Variants in NFIB observed in about 807,000 individuals in gnomAD.
NFIB encodes the protein nuclear factor I B, also known as nuclear factor 1 B-type.
In NFIB, 11 loss-of-function variants were observed where a neutral mutation model predicts 61.5. That is an observed-to-expected ratio of 0.18 (90% CI 0.11 to 0.30). The LOEUF (loss-of-function observed/expected upper bound fraction) is 0.30, where lower values mean the gene tolerates loss of function less well. NFIB is among the 10% of genes least tolerant of loss of function. The probability of loss-of-function intolerance (pLI) is 1.00; values close to 1 mark genes in which losing one functional copy is unlikely to be tolerated. For missense variants in NFIB, 471 were observed against 608.9 expected (o/e 0.77, Z 2.38); for synonymous variants, 260 against 216.5 (o/e 1.20, Z -1.76).
intron 2 of NFIB, among the ~76,000 whole-genome samples, chr9:14,264,501 G>A (rs1053720453): frequency 6.6e-5 from 10 of 152,152 alleles, no homozygotes; most frequent in Non-Finnish European, 1.5e-4. Flanking sequence ...GCATTTAGGT[G>A]AGAAAAAGAC....
chr9:14,414,497 T>A, the NFIB span, among the ~76,000 whole-genome samples: 2 of 148,930 alleles, frequency 1.3e-5, no homozygotes, highest in Non-Finnish European at 3.0e-5. Flanking sequence ...CCAAAAGCCT[T>A]TCTCACGTTT....
intron 2 of NFIB, among the ~76,000 whole-genome samples, chr9:14,189,321 T>C (rs1229827128): frequency 2.6e-5 from 4 of 152,120 alleles, no homozygotes; most frequent in Admixed American, 2.6e-4. Context: ...GCCTGGAGAG[T>C]CAGGACTCTG....
At chr9:14,458,211 C>T in the NFIB span, among the ~76,000 whole-genome samples, 30 of 152,314 alleles carry the variant, frequency 2.0e-4, no homozygotes, top group East Asian at 3.1e-3. Flanking sequence ...GCTGGTTCAA[C>T]ATATGCAAAT....
At position 14,265,245 on chromosome 9, in the gene NFIB, C is replaced by T. The variant is rs184516651; in HGVS notation, c.562+41744G>A. Among the ~76,000 whole-genome samples, 120 of 152,280 alleles carry T rather than the reference C, an allele frequency of 7.9e-4. 1 individual carries two copies. Among genetic ancestry groups the T allele is most frequent in the African/African-American group, 2.7e-3 (114 of 41,550 alleles). On this transcript the variant is annotated intron_variant, in intron 2 of 10. Transcript: ENST00000380953. ...AATGATGAACAGTATTCAGCTACAA[C>T]GGAGGTGTTACAGACTGAATGTTTA...
chr9:14,110,986 T>G (rs910132302), intron 10 of NFIB, among the ~76,000 whole-genome samples: 21 of 152,110 alleles, frequency 1.4e-4, no homozygotes, highest in Non-Finnish European at 2.4e-4. Context: ...AACTTTTTTT[T>G]GCTTCCAAAG....
chr9:14,239,779 G>A (rs2054165285), intron 2 of NFIB, among the ~76,000 whole-genome samples: 1 of 152,088 alleles, frequency 6.6e-6, no homozygotes. Context: ...GAATATTGGA[G>A]GAATCTGGGG....
the NFIB span, among the ~76,000 whole-genome samples, chr9:14,406,778 T>A: frequency 6.6e-6 from 1 of 152,176 alleles, no homozygotes; most frequent in Non-Finnish European, 1.5e-5. Context: ...TTTCCCCTCA[T>A]CTGGTGACAG....
chr9:14,265,352 C>T (rs1322784839), intron 2 of NFIB, among the ~76,000 whole-genome samples: 2 of 152,052 alleles, frequency 1.3e-5, no homozygotes, highest in East Asian at 1.9e-4. Flanking sequence ...AAAGCCTTTA[C>T]GGAGGTAATT....
chr9:14,432,473 C>G, the NFIB span, among the ~76,000 whole-genome samples: 1 of 152,270 alleles, frequency 6.6e-6, no homozygotes, highest in Non-Finnish European at 1.5e-5. Context: ...CTGACCAACA[C>G]AATCTCCTTC....
intron 9 of NFIB, among the ~76,000 whole-genome samples, chr9:14,115,781 T>G (rs2038039347): frequency 6.6e-6 from 1 of 152,236 alleles, no homozygotes; most frequent in Non-Finnish European, 1.5e-5. Context: ...AGGCACTGAT[T>G]CCATCTGCTT....
chr9:14,368,568 A>T (rs1006442324), intron 1 of NFIB, among the ~76,000 whole-genome samples: 25 of 152,188 alleles, frequency 1.6e-4, no homozygotes, highest in African/African-American at 5.8e-4. Flanking sequence ...GCCATCTTGA[A>T]CTGATAAGCA....
At chr9:14,460,747 G>T in the NFIB span, among the ~76,000 whole-genome samples, 3 of 152,118 alleles carry the variant, frequency 2.0e-5, no homozygotes, top group Admixed American at 1.3e-4. Flanking sequence ...ACACAAATTT[G>T]ATAGTGTCTC....
chr9:14,127,467 T>C (rs2039817663), intron 6 of NFIB, among the ~76,000 whole-genome samples: 1 of 152,254 alleles, frequency 6.6e-6, no homozygotes, highest in Non-Finnish European at 1.5e-5. Context: ...TATCCCCATC[T>C]ACACTTTCTC....
At chr9:14,233,403 A>C (rs147304905) in intron 2 of NFIB, among the ~76,000 whole-genome samples, 2 of 145,372 alleles carry the variant, frequency 1.4e-5, no homozygotes, top group East Asian at 4.0e-4. Context: ...CCCAGTATTT[A>C]GCTCTTTTGC....
At chr9:14,184,720 C>T (rs1349448170) in intron 2 of NFIB, among the ~76,000 whole-genome samples, 1 of 152,066 alleles carries the variant, frequency 6.6e-6, no homozygotes, top group Non-Finnish European at 1.5e-5. Flanking sequence ...TTAATGTAAA[C>T]ATCATTTAAA....
the NFIB span, among the ~76,000 whole-genome samples, chr9:14,438,011 A>AGT: frequency 0.25 from 37,963 of 150,124 alleles, 5,226 homozygotes; most frequent in East Asian, 0.37. Flanking sequence ...CCCCCATCCT[A>AGT]GTGTGTGTGT....
the NFIB span, among the ~76,000 whole-genome samples, chr9:14,496,679 A>G: frequency 1.5e-3 from 225 of 152,322 alleles, 2 homozygotes; most frequent in African/African-American, 5.0e-3. Flanking sequence ...GTACCCACAC[A>G]GTTCCTATGG....
intron 1 of NFIB, among the ~76,000 whole-genome samples, chr9:14,379,759 T>C (rs964704790): frequency 1.1e-4 from 17 of 152,172 alleles, no homozygotes; most frequent in African/African-American, 3.6e-4. Flanking sequence ...CTTGGCTCAC[T>C]GCAACCTCCG....
chr9:14,466,774 T>G, the NFIB span, among the ~76,000 whole-genome samples: 63 of 152,300 alleles, frequency 4.1e-4, no homozygotes, highest in African/African-American at 1.3e-3. Flanking sequence ...AGTATATGGT[T>G]TATGGTGGGG....
Sources: gnomAD v4.1 joint callset for allele counts (sites outside exome capture counted in the v4.1 genomes callset) on GRCh38, gnomAD v4.1.1 for gene constraint, MANE v1.5 for transcripts, NCBI Gene and HGNC (gene_info 2026-07-23, HGNC 2026-07-21) for gene names.